Variants in CABP5 observed in about 807,000 individuals in gnomAD.
CABP5 encodes the protein calcium binding protein 5.
A neutral mutation model predicts 21.9 loss-of-function variants in CABP5; 17 were observed. That is an observed-to-expected ratio of 0.78 (90% CI 0.53 to 1.17). CABP5 has a LOEUF of 1.17. CABP5 is among the 50% of genes most tolerant of loss of function. The pLI, the probability that CABP5 is intolerant of heterozygous loss-of-function variation, is 0.00. For missense variants in CABP5, 229 were observed against 228.9 expected (o/e 1.00, Z 0.00); for synonymous variants, 85 against 79.4 (o/e 1.07, Z -0.37).
intron 4 of CABP5, among the ~76,000 whole-genome samples, chr19:48,034,597 G>A (rs965121288): frequency 7.5e-5 from 11 of 145,784 alleles, no homozygotes; most frequent in Non-Finnish European, 1.6e-4. Flanking sequence ...CCAGGCTGAA[G>A]TGCAGTGGTG....
chr19:48,042,888 T>C (rs1024666776), intron 1 of CABP5, among the ~76,000 whole-genome samples: 16 of 152,218 alleles, frequency 1.1e-4, no homozygotes, highest in African/African-American at 3.4e-4. Flanking sequence ...TTCTCTTTTT[T>C]TGGTGATCTT....
chr19:48,040,856 G>A lies in CABP5; in HGVS notation c.95-108C>T, dbSNP rs1005437499. On this transcript the variant is annotated intron_variant, in intron 2 of 5. Transcript: ENST00000293255. Reference sequence around the variant, plus strand: ...CCAACTAGAGACTCCTTAAAGGAGCGTACATTAGAAACAAAACAAAACAAA... The same window carrying A: ...CCAACTAGAGACTCCTTAAAGGAGCATACATTAGAAACAAAACAAAACAAA... 53 of 1,089,906 alleles carry A rather than the reference G, an allele frequency of 4.9e-5. No individual in the cohort carries two copies. The African/African-American group carries it at 5.8e-4, about 12-fold the overall frequency. The allele number at this position is 1,089,906 out of a possible 1,614,324, so 67.5% of individuals were successfully genotyped here.
chr19:48,030,470 G>C lies in CABP5; in HGVS notation c.*87C>G, dbSNP rs1171097. Reference sequence around the variant, plus strand: ...CCTGCCCTCCCTCTCTGCTTTAAGGGGATCTGGGGCTTTTGGGCTTTGGTT... The same window carrying C: ...CCTGCCCTCCCTCTCTGCTTTAAGGCGATCTGGGGCTTTTGGGCTTTGGTT... On this transcript the variant is annotated 3_prime_UTR_variant, in exon 6 of 6. Transcript: ENST00000293255. 253,167 of 1,390,402 alleles carry C rather than the reference G, an allele frequency of 0.18. 24,348 individuals carry two copies. The highest frequency in any genetic ancestry group is 0.31 in the African/African-American group (21,473 of 68,558). 86.1% of individuals were successfully genotyped at this position (1,390,402 alleles called of 1,614,324 possible). A position where few individuals can be genotyped will look rare whatever the true frequency, so the allele number is the denominator to read the frequency against.
At chr19:48,030,709 G>T in intron 5 of CABP5, 127 bp from the exon 6 acceptor site, 1 of 841,900 alleles carries the variant, frequency 1.2e-6, no homozygotes, top group Non-Finnish European at 1.9e-6. Context: ...ATCCCTCTAT[G>T]CTTCCATTTC....
At chr19:48,043,513 C>CATT (rs1967508577) in intron 1 of CABP5, among the ~76,000 whole-genome samples, 1 of 119,976 alleles carries the variant, frequency 8.3e-6, no homozygotes, top group Non-Finnish European at 1.7e-5. Flanking sequence ...TTATTAACGT[C>CATT]ATCATTATCA....
rs561968280 is a variant in CABP5 at position 48,040,038 on chromosome 19, T to C, written c.238+567A>G. 7.9e-5 allele frequency among the ~76,000 whole-genome samples: 12 copies of C among 151,714 alleles called. No homozygotes were observed. In the South Asian group the frequency reaches 2.5e-3, roughly 32 times the overall value. ...CGCCCAGCCTCAATAGGAATTTTATTCTAGCTAAAATCTAAAAATCAGTTA... is the reference window on the plus strand; with the variant it reads ...CGCCCAGCCTCAATAGGAATTTTATCCTAGCTAAAATCTAAAAATCAGTTA... On this transcript the variant is annotated intron_variant, in intron 3 of 5. Coordinates refer to ENST00000293255, the MANE Select transcript of CABP5 (RefSeq NM_019855.5).
intron 1 of CABP5, among the ~76,000 whole-genome samples, chr19:48,042,668 G>A (rs991863128): frequency 1.1e-4 from 17 of 151,080 alleles, no homozygotes; most frequent in Non-Finnish European, 1.9e-4. Context: ...TCTGCCTCCC[G>A]GGTTCAAGCG....
intron 5 of CABP5, among the ~76,000 whole-genome samples, chr19:48,032,713 C>T (rs1035165968): frequency 6.6e-6 from 1 of 151,694 alleles, no homozygotes; most frequent in African/African-American, 2.4e-5. Flanking sequence ...TCACTGCAGC[C>T]TCCACCTCCT....
intron 5 of CABP5, among the ~76,000 whole-genome samples, chr19:48,033,014 CT>C (rs370570252): frequency 0.38 from 47,313 of 123,000 alleles, 7,302 homozygotes; most frequent in East Asian, 0.66. Flanking sequence ...ACTTGACATG[CT>C]TTTTTTTTTT....
intron 2 of CABP5, chr19:48,041,278 G>A (rs943594299): frequency 3.3e-5 from 15 of 455,494 alleles, no homozygotes; most frequent in South Asian, 1.2e-4. Context: ...GAGCACTGGC[G>A]TCCTTCAGAT....
At chr19:48,034,178 G>T in intron 5 of CABP5, 37 bp downstream of exon 5, 1 of 1,482,488 alleles carries the variant, frequency 6.7e-7, no homozygotes, top group South Asian at 1.4e-5. Context: ...TCCTGCGGTG[G>T]CTGCCCCCGC....
At chr19:48,042,402 G>A (rs771063360) in intron 1 of CABP5, among the ~76,000 whole-genome samples, 6 of 152,126 alleles carry the variant, frequency 3.9e-5, no homozygotes, top group Non-Finnish European at 7.4e-5. Flanking sequence ...ACCTACTCCT[G>A]CACATACCTG....
rs1163616597 is a variant in CABP5 at position 48,030,067 on chromosome 19, A to G, written c.*490T>C. 6.4e-6 allele frequency: 1 copy of G among 155,356 alleles called. No individual in the cohort carries two copies. Among genetic ancestry groups the G allele is most frequent in the Non-Finnish European group, 1.4e-5 (1 of 70,416 alleles). The allele number at this position is 155,356 out of a possible 1,614,324, so 9.6% of individuals were successfully genotyped here. On this transcript the variant is annotated 3_prime_UTR_variant, in exon 6 of 6. Transcript: ENST00000293255. The stretch of plus-strand genomic sequence containing the variant: ...TGAAGTCTGGGCTGTTCATGTAACC[A>G]TCACCTGAATAAAGTATAATTTGTC...
intron 5 of CABP5, among the ~76,000 whole-genome samples, chr19:48,031,948 C>T (rs1967344905): frequency 6.6e-6 from 1 of 151,276 alleles, no homozygotes; most frequent in Non-Finnish European, 1.5e-5. Flanking sequence ...TAGAGAATGG[C>T]CCTTCCTCCT....
At chr19:48,043,445 CA>C (rs1967507697) in intron 1 of CABP5, among the ~76,000 whole-genome samples, 1 of 147,850 alleles carries the variant, frequency 6.8e-6, no homozygotes. Flanking sequence ...ATCAGGTGTG[CA>C]AATCCCTTTG....
chr19:48,039,196 CTG>C lies in CABP5; in HGVS notation c.348+10_348+11del. The C allele has an allele frequency of 6.2e-7, 1 of 1,602,438 alleles. No homozygotes were observed. Among genetic ancestry groups the C allele is most frequent in the South Asian group, 1.1e-5 (1 of 90,842 alleles). On this transcript the variant is annotated intron_variant, in intron 4 of 5. Transcript: ENST00000293255. ...CTCTACCATCACCAGCACCATGACA[CTG>C]TTAACTCACCTCCTTGAAGGCATCC...
At chr19:48,041,192 GA>G (rs1031569833) in intron 2 of CABP5, 347 of 269,568 alleles carry the variant, frequency 1.3e-3, no homozygotes, top group African/African-American at 6.7e-3. Flanking sequence ...TCTCAAAAAA[GA>G]AAAAAAAATT....
chr19:48,041,277 C>T (rs1232415728), intron 2 of CABP5: 4 of 455,288 alleles, frequency 8.8e-6, no homozygotes, highest in South Asian at 5.7e-5. Context: ...AGAGCACTGG[C>T]GTCCTTCAGA....
At chr19:48,041,504 A>G in intron 2 of CABP5, 69 bp downstream of exon 2, 1 of 1,417,396 alleles carries the variant, frequency 7.1e-7, no homozygotes, top group Non-Finnish European at 9.9e-7. Context: ...ACGGAAATGC[A>G]CAAAGGGACT....
Sources: allele counts gnomAD v4.1 joint callset (sites outside exome capture counted in the v4.1 genomes callset), GRCh38; gene constraint gnomAD v4.1.1; transcripts MANE v1.5; gene names NCBI Gene and HGNC (gene_info 2026-07-23, HGNC 2026-07-21).